TLR5: variants seen among roughly 807,000 people sequenced by gnomAD.
The protein encoded by TLR5 is toll like receptor 5, also known as toll-like receptor 5.
For synonymous variants in TLR5, 373 were observed against 384.4 expected (o/e 0.97, Z 0.35); for missense variants, 944 against 999.8 (o/e 0.94, Z 0.75).
chr1:223,126,422 A>G (rs2487831), intron 5 of TLR5, among the ~76,000 whole-genome samples: 53,614 of 152,106 alleles, frequency 0.35, 10,395 homozygotes, highest in Non-Finnish European at 0.43. Flanking sequence ...GACAAACAGT[A>G]GTGAATGTAC....
Position 223,112,688 on chromosome 1 carries a change from A to C in TLR5, c.344T>G (p.Phe115Cys). Reference sequence around the variant, plus strand: ...TTCAAACAGATGGAACAGTCCCTGAAAAGCATCTGGATGCAAGAAGTATAT... The same window carrying C: ...TTCAAACAGATGGAACAGTCCCTGACAAGCATCTGGATGCAAGAAGTATAT... ...SKIYFLHPDA[F>C]QGLFHLFELR... The change falls in exon 6 of 6, where the codon TTT becomes TGT. Residue 115 changes from phenylalanine to cysteine, a missense_variant. Transcript: ENST00000642603. 1 of 1,614,244 alleles carries C rather than the reference A, an allele frequency of 6.2e-7. No individual in the cohort carries two copies. The highest frequency in any genetic ancestry group is 8.5e-7 in the Non-Finnish European group (1 of 1,180,036).
At chr1:223,128,360 A>G (rs1289741330) in intron 5 of TLR5, 1 of 152,282 alleles carries the variant, frequency 6.6e-6, no homozygotes, top group Non-Finnish European at 1.5e-5. Context: ...GTCCTGCTCC[A>G]GCCCATCTCT....
intron 1 of TLR5, 95 bp from the exon 2 acceptor site, chr1:223,141,858 A>AAGAG (rs113886932): frequency 2.0e-5 from 2 of 99,338 alleles, no homozygotes; most frequent in Non-Finnish European, 4.4e-5. Flanking sequence ...GAGAGAGAGA[A>AAGAG]AGAGAGAGAG....
chr1:223,129,442 C>A (rs1657310909), intron 5 of TLR5: 1 of 152,344 alleles, frequency 6.6e-6, no homozygotes, highest in Admixed American at 6.5e-5. Flanking sequence ...ACTAGGAAGG[C>A]CCTGCTCCCG....
At chr1:223,133,882 C>T (rs1286461450) in intron 4 of TLR5, among the ~76,000 whole-genome samples, 1 of 152,182 alleles carries the variant, frequency 6.6e-6, no homozygotes, top group Non-Finnish European at 1.5e-5. Context: ...GGGAGGAGCC[C>T]GCGGAGCCGC....
intron 5 of TLR5, among the ~76,000 whole-genome samples, chr1:223,116,671 T>A (rs182065200): frequency 8.3e-4 from 126 of 152,198 alleles, no homozygotes; most frequent in Non-Finnish European, 1.1e-3. Context: ...TGCTTATTGG[T>A]CCATTTTACA....
chr1:223,111,179 C>T lies in TLR5; in HGVS notation c.1853G>A (p.Gly618Glu). ...CGTGGAAAGAGAGAAGAGGGAAACC[C>T]CAGAGAACGAGTCAGGGTACACACA... ...IYCVYPDSFS[G>E]VSLFSLSTEG... The change falls in exon 6 of 6, where the codon GGG becomes GAG. Residue 618 changes from glycine to glutamate, a missense_variant. Physicochemically the swap from Gly to Glu is moderately conservative, Grantham distance 98. Transcript: ENST00000642603. 1 of 1,614,140 alleles carries T rather than the reference C, an allele frequency of 6.2e-7. No individual in the cohort carries two copies. Among genetic ancestry groups the T allele is most frequent in the South Asian group, 1.1e-5 (1 of 91,066 alleles).
intron 5 of TLR5, among the ~76,000 whole-genome samples, chr1:223,125,629 G>C (rs1657135267): frequency 6.6e-6 from 1 of 151,846 alleles, no homozygotes; most frequent in African/African-American, 2.4e-5. Flanking sequence ...GGTGGCGGTG[G>C]GGGTTGTGGT....
Position 223,131,310 on chromosome 1 carries a change from C to A in TLR5, c.-5+1165G>T, listed in dbSNP as rs1021886836. ...TTTCATTTCACAGAGCAGGAAACTC[C>A]AGCCACCCTGCCTTCCTGGCTGTAT... On this transcript the variant is annotated intron_variant, in intron 5 of 5. Coordinates refer to ENST00000642603, the MANE Select transcript of TLR5 (RefSeq NM_003268.6). This position sits in a 1 kb window ranked among gnomAD's most constrained non-coding sequence, Gnocchi z 4.2. Among the ~76,000 whole-genome samples the A allele has an allele frequency of 2.0e-5, 3 of 152,126 alleles. No individual in the cohort carries two copies. The highest frequency in any genetic ancestry group is 4.4e-5 in the Non-Finnish European group (3 of 68,018).
At chr1:223,118,885 C>T (rs1282741351) in intron 5 of TLR5, among the ~76,000 whole-genome samples, 1 of 152,036 alleles carries the variant, frequency 6.6e-6, no homozygotes, top group Non-Finnish European at 1.5e-5. Flanking sequence ...AGGCGGATCA[C>T]CTGAGGTCAG....
rs369950876 is a variant in TLR5 at position 223,111,093 on chromosome 1, T to G, written c.1939A>C (p.Thr647Pro). 1 of 1,614,184 alleles carries G rather than the reference T, an allele frequency of 6.2e-7. No individual in the cohort carries two copies. The highest frequency in any genetic ancestry group is 1.7e-5 in the Admixed American group (1 of 60,016). ...SLKFSLFIVC[T>P]VTLTLFLMTI... is the part of the protein sequence containing the mutation. ...ATGAGGAACAGAGTCAGAGTGACAG[T>G]GCATACAATGAAAAGGGAGAACTTT... is the stretch of plus-strand genomic sequence containing the variant. Residue 647 changes from threonine (T) to proline (P), a missense_variant, in exon 6 of 6, where the codon ACT (threonine) becomes CCT (proline). Coordinates refer to ENST00000642603, the MANE Select transcript of TLR5 (RefSeq NM_003268.6).
chr1:223,121,093 T>A (rs938339703), intron 5 of TLR5, among the ~76,000 whole-genome samples: 2 of 152,004 alleles, frequency 1.3e-5, no homozygotes, highest in Non-Finnish European at 2.9e-5. Flanking sequence ...GGAAAAAAAA[T>A]GTTTAAGAAG....
In TLR5 at chr1:223,111,450, A is replaced by C. The variant is rs201580291; in HGVS notation, c.1582T>G (p.Leu528Val). 3.0e-4 allele frequency: 483 copies of C among 1,614,044 alleles called. No homozygotes were observed. The highest frequency in any genetic ancestry group is 3.9e-4 in the Non-Finnish European group (460 of 1,180,030). ...TTGGAGTTGAGGCTTAGTCCCCTTA[A>C]TGCAGTCAGATGGCTAAATACTCCT... is the stretch of plus-strand genomic sequence containing the variant. ...PPGVFSHLTA[L>V]RGLSLNSNRL... Residue 528 changes from leucine (L) to valine (V), a missense_variant, in exon 6 of 6, where the codon TTA becomes GTA. Transcript: ENST00000642603.
rs1656219118 is a variant in TLR5, at chr1:223,109,529, C to G, written c.*926G>C. On this transcript the variant is annotated 3_prime_UTR_variant, in exon 6 of 6. Coordinates refer to ENST00000642603, the MANE Select transcript of TLR5 (RefSeq NM_003268.6). ...TCATTAGGGCAACGAAGGAAAAGAT[C>G]TGAGAAGCCCTGACATCCTTGGCCA... The G allele has an allele frequency of 6.6e-6, 1 of 152,138 alleles. No homozygotes were observed. 9.4% of individuals were successfully genotyped at this position (152,138 alleles called of 1,614,324 possible).
rs940824463 is a variant in TLR5 at position 223,131,754 on chromosome 1, T to G, written c.-5+721A>C. On this transcript the variant is annotated intron_variant, in intron 5 of 5. Transcript: ENST00000642603. This position sits in a 1 kb window ranked among gnomAD's most constrained non-coding sequence, Gnocchi z 4.2. Reference sequence around the variant, plus strand: ...AATTTTTGTTGTTGTTGTTGTTGTTTTTGTTTTGTAGAGACAGGGTTCCAC... The same window carrying G: ...AATTTTTGTTGTTGTTGTTGTTGTTGTTGTTTTGTAGAGACAGGGTTCCAC... Among the ~76,000 whole-genome samples the G allele has an allele frequency of 8.6e-5, 13 of 151,818 alleles. No homozygotes were observed. Among genetic ancestry groups the G allele is most frequent in the African/African-American group, 1.2e-4 (5 of 41,296 alleles).
intron 5 of TLR5, among the ~76,000 whole-genome samples, chr1:223,124,373 GC>G (rs1179354112): frequency 6.6e-5 from 10 of 150,762 alleles, no homozygotes; most frequent in Non-Finnish European, 1.0e-4. Flanking sequence ...AGCCCAGGAG[GC>G]AAAGGTTGTA....
intron 5 of TLR5, among the ~76,000 whole-genome samples, chr1:223,121,411 G>A (rs1186267315): frequency 6.6e-6 from 1 of 152,242 alleles, no homozygotes; most frequent in Non-Finnish European, 1.5e-5. Flanking sequence ...CAGTGCTGCA[G>A]TGCCGAGAGG....
chr1:223,115,734 T>C (rs759169737), intron 5 of TLR5, among the ~76,000 whole-genome samples: 29 of 152,142 alleles, frequency 1.9e-4, no homozygotes, highest in Admixed American at 3.9e-4. Flanking sequence ...GGGGGTGCCA[T>C]GGCTCGGGTG....
At position 223,110,599 on chromosome 1, in the gene TLR5, C is replaced by T; in HGVS notation, c.2433G>A (p.Gln811=). The change falls in exon 6 of 6, where the codon CAG becomes CAA. Residue 811 remains glutamine, a synonymous_variant. Transcript: ENST00000642603. Reference sequence around the variant, plus strand: ...CAGGCCACCTCAAATACTGCTGTTTCTGTACAAAGCCTCTGATGGATTGAT... The same window carrying T: ...CAGGCCACCTCAAATACTGCTGTTTTTGTACAAAGCCTCTGATGGATTGAT... ...MKHQSIRGFV[Q]KQQYLRWPED... The T allele has an allele frequency of 3.1e-6, 5 of 1,614,212 alleles. No homozygotes were observed. Among genetic ancestry groups the T allele is most frequent in the Non-Finnish European group, 4.2e-6 (5 of 1,180,044 alleles).
Sources: gnomAD v4.1 joint callset for allele counts (sites outside exome capture counted in the v4.1 genomes callset) on GRCh38, gnomAD v4.1.1 for gene constraint, Gnocchi (gnomAD v3.1) non-coding constraint, MANE v1.5 for transcripts, NCBI Gene and HGNC (gene_info 2026-07-23, HGNC 2026-07-21) for gene names.